The following RNF216 variants were observed in gnomAD, a reference collection of about 807,000 sequenced individuals.
RNF216 encodes the protein ring finger protein 216.
In RNF216, 72 loss-of-function variants were observed where a neutral mutation model predicts 110.8. The observed-to-expected ratio is 0.65, with a 90% CI of 0.54 to 0.79. The LOEUF (loss-of-function observed/expected upper bound fraction) is 0.79, where lower values mean the gene tolerates loss of function less well. RNF216 is among the 30% of genes least tolerant of loss of function. The probability of loss-of-function intolerance (pLI) is 0.00; values close to 1 mark genes in which losing one functional copy is unlikely to be tolerated. For synonymous variants in RNF216, 495 were observed against 407.5 expected, an observed-to-expected ratio of 1.21 and a Z score of -2.59; for missense variants, 1,342 against 1,141.2, an observed-to-expected ratio of 1.18 and a Z score of -2.54.
chr7:5,724,146 C>T (rs2128638555), intron 8 of RNF216, among the ~76,000 whole-genome samples: 1 of 152,282 alleles, frequency 6.6e-6, no homozygotes, highest in South Asian at 2.1e-4. Context: ...GAGCAGACCT[C>T]ATGTGGAGTA....
chr7:5,645,017 A>G (rs1322775144), intron 14 of RNF216, among the ~76,000 whole-genome samples: 1 of 150,720 alleles, frequency 6.6e-6, no homozygotes, highest in Non-Finnish European at 1.5e-5. Context: ...GCGTTTCATC[A>G]TATTGGCCAG....
At chr7:5,690,327 CAAA>C (rs200036930) in intron 13 of RNF216, among the ~76,000 whole-genome samples, 3 of 100,348 alleles carry the variant, frequency 3.0e-5, no homozygotes, top group Non-Finnish European at 2.3e-5. Flanking sequence ...AATTCCATCT[CAAA>C]AAAAAAAAAA....
chr7:5,738,411 G>A (rs1794559865), intron 5 of RNF216, among the ~76,000 whole-genome samples: 1 of 151,838 alleles, frequency 6.6e-6, no homozygotes, highest in Non-Finnish European at 1.5e-5. Context: ...CTTTTATAAT[G>A]AAAATTAAGA....
chr7:5,666,039 G>A (rs529543067), intron 13 of RNF216, among the ~76,000 whole-genome samples: 45 of 151,946 alleles, frequency 3.0e-4, no homozygotes, highest in Non-Finnish European at 5.9e-4. Context: ...GGTGGCGGGC[G>A]CCTGTAGTCC....
chr7:5,735,098 A>G (rs1794317612), intron 5 of RNF216, among the ~76,000 whole-genome samples: 1 of 152,084 alleles, frequency 6.6e-6, no homozygotes, highest in Non-Finnish European at 1.5e-5. Context: ...GTGAGCCAGG[A>G]TCACGCCACT....
In RNF216 at chr7:5,729,599, G is replaced by A. The variant is rs754825004; in HGVS notation, c.1225-3C>T. 9 of 1,612,412 alleles carry A rather than the reference G, an allele frequency of 5.6e-6. 1 individual carries two copies. The East Asian group carries it at 1.3e-4, about 24-fold the overall frequency. On this transcript the variant is annotated splice_polypyrimidine_tract_variant and splice_region_variant and intron_variant, in intron 6 of 16. Transcript: ENST00000389902. ...TCAAAAAAGTCTATTTTAGGCAACTGAAATGAGAGAGAAGCATAAAATCAG... is the reference window on the plus strand; with the variant it reads ...TCAAAAAAGTCTATTTTAGGCAACTAAAATGAGAGAGAAGCATAAAATCAG...
At chr7:5,628,452 T>G (rs1256253243) in intron 15 of RNF216, among the ~76,000 whole-genome samples, 1 of 152,174 alleles carries the variant, frequency 6.6e-6, no homozygotes, top group Admixed American at 6.5e-5. Context: ...TAATACAACT[T>G]AAAAGTTTTT....
At chr7:5,637,613 C>T (rs1490835977) in intron 15 of RNF216, among the ~76,000 whole-genome samples, 9 of 152,156 alleles carry the variant, frequency 5.9e-5, no homozygotes, top group Admixed American at 5.9e-4. Context: ...GTGGCGCAGT[C>T]AGGGCTCACT....
chr7:5,739,333 A>G lies in RNF216; in HGVS notation c.1064T>C (p.Val355Ala), dbSNP rs1290589448. The G allele has an allele frequency of 2.1e-5, 34 of 1,598,340 alleles. No homozygotes were observed. Among genetic ancestry groups the G allele is most frequent in the Non-Finnish European group, 2.9e-5 (34 of 1,175,262 alleles). ...TATTTCCTCAATAAACCCATTTGCT[A>G]CATCTGGAAATCTTGCTTCCTAGAA... is the stretch of plus-strand genomic sequence containing the variant. ...VKETEARFPDVANGFIEEIIH... is the reference protein window; with the variant it reads ...VKETEARFPDAANGFIEEIIH... Residue 355 changes from valine (V) to alanine (A), a missense_variant, in exon 5 of 17, where the codon GTA (valine) becomes GCA (alanine). Val to Ala is a moderately conservative substitution (Grantham distance 64, BLOSUM62 0). Transcript: ENST00000389902.
At chr7:5,780,867 G>C (rs761745997) in intron 1 of RNF216, among the ~76,000 whole-genome samples, 1 of 152,230 alleles carries the variant, frequency 6.6e-6, no homozygotes, top group African/African-American at 2.4e-5. Flanking sequence ...CTCCAGGGTT[G>C]GTTGCAAGTG....
At chr7:5,714,591 T>C (rs960907803) in intron 11 of RNF216, among the ~76,000 whole-genome samples, 2 of 152,210 alleles carry the variant, frequency 1.3e-5, no homozygotes, top group African/African-American at 4.8e-5. Flanking sequence ...AGTTTTCTAT[T>C]GCTGCTGGAA....
intron 1 of RNF216, among the ~76,000 whole-genome samples, chr7:5,765,219 C>T (rs570529250): frequency 2.0e-5 from 3 of 152,160 alleles, no homozygotes; most frequent in South Asian, 2.1e-4. Flanking sequence ...CCCAGGACTT[C>T]GGGAGGTCGA....
intron 9 of RNF216, among the ~76,000 whole-genome samples, chr7:5,717,266 T>C (rs1214519628): frequency 6.6e-6 from 1 of 152,206 alleles, no homozygotes; most frequent in Admixed American, 6.5e-5. Flanking sequence ...AGCAGGAAGA[T>C]TACTTGAACC....
intron 15 of RNF216, among the ~76,000 whole-genome samples, chr7:5,631,605 G>C (rs1214430902): frequency 6.6e-6 from 1 of 151,986 alleles, no homozygotes; most frequent in Non-Finnish European, 1.5e-5. Flanking sequence ...GGGGTCCCAT[G>C]ACATTTTCTC....
intron 15 of RNF216, among the ~76,000 whole-genome samples, chr7:5,640,770 A>G (rs527997296): frequency 2.0e-5 from 3 of 152,366 alleles, no homozygotes; most frequent in African/African-American, 7.2e-5. Context: ...AATCTAGATT[A>G]TAAGTGAGTC....
In RNF216 at chr7:5,624,239, G is replaced by A; in HGVS notation, c.2383-114C>T. On this transcript the variant is annotated intron_variant, in intron 15 of 16. Transcript: ENST00000389902. The surrounding 1 kb of genome is among the most constrained non-coding windows in gnomAD (Gnocchi z 4.4). ...TGGCCATGGAACAAGCCCGAAGCCTGCTGCTGGCCAGTGGGGCCTGGGCTG... is the reference window on the plus strand; with the variant it reads ...TGGCCATGGAACAAGCCCGAAGCCTACTGCTGGCCAGTGGGGCCTGGGCTG... 1 of 822,700 alleles carries A rather than the reference G, an allele frequency of 1.2e-6. No individual in the cohort carries two copies. Among genetic ancestry groups the A allele is most frequent in the Non-Finnish European group, 2.0e-6 (1 of 512,358 alleles). 51.0% of individuals were successfully genotyped at this position (822,700 alleles called of 1,614,324 possible).
chr7:5,648,795 G>A (rs1203908170), intron 14 of RNF216, among the ~76,000 whole-genome samples: 8 of 151,362 alleles, frequency 5.3e-5, no homozygotes, highest in East Asian at 1.9e-4. Flanking sequence ...ATGATACCAC[G>A]AGAAACCAGC....
At chr7:5,772,906 G>T (rs1226246530) in intron 1 of RNF216, among the ~76,000 whole-genome samples, 1 of 151,480 alleles carries the variant, frequency 6.6e-6, no homozygotes, top group East Asian at 1.9e-4. Context: ...ACCCTCCCGA[G>T]TAGCTGGGAT....
intron 13 of RNF216, among the ~76,000 whole-genome samples, chr7:5,671,586 A>C (rs1470659305): frequency 1.3e-5 from 2 of 152,104 alleles, no homozygotes; most frequent in African/African-American, 4.8e-5. Context: ...GGGCGGATCA[A>C]GAGGTCAGCA....
Sources: allele counts gnomAD v4.1 joint callset (sites outside exome capture counted in the v4.1 genomes callset), GRCh38; gene constraint gnomAD v4.1.1; non-coding constraint Gnocchi (gnomAD v3.1); transcripts MANE v1.5; gene names NCBI Gene and HGNC (gene_info 2026-07-23, HGNC 2026-07-21).